The following ANKHD1 variants were observed in gnomAD, a reference collection of about 807,000 sequenced individuals.
The protein encoded by ANKHD1 is ankyrin repeat and KH domain containing 1.
ANKHD1 carries 31 observed loss-of-function variants against 230.5 expected under a neutral mutation model. The ratio of observed to expected loss-of-function variants is 0.13; its 90% confidence interval spans 0.10 to 0.18. The LOEUF is 0.18. Among genes scored for constraint, ANKHD1 ranks in the 10% least tolerant of loss-of-function variants. The pLI is 1.00. For synonymous variants in ANKHD1, 1,074 were observed against 1,117.6 expected (o/e 0.96, Z 0.78); for missense variants, 2,256 against 3,071.3 (o/e 0.73, Z 6.27).
intron 14 of ANKHD1, among the ~76,000 whole-genome samples, chr5:140,493,011 G>A (rs763682669): frequency 6.6e-6 from 1 of 152,170 alleles, no homozygotes. Context: ...GAAAGTGAGA[G>A]GCAAAGGAAT....
intron 29 of ANKHD1, among the ~76,000 whole-genome samples, chr5:140,530,462 G>A (rs1753764747): frequency 6.6e-6 from 1 of 152,176 alleles, no homozygotes; most frequent in African/African-American, 2.4e-5. Context: ...ATATCCGCCT[G>A]CCTTGGCCTT....
Position 140,497,134 on chromosome 5 carries a change from G to A in ANKHD1, c.2860G>A (p.Val954Ile). 1 of 1,614,142 alleles carries A rather than the reference G, an allele frequency of 6.2e-7. No homozygotes were observed. Among genetic ancestry groups the A allele is most frequent in the Non-Finnish European group, 8.5e-7 (1 of 1,180,030 alleles). ...NGTNSLELQK[V>I]SGNQQIVGQP... ...GACAAATTCTCTTGAACTTCAGAAA[G>A]TATCAGGTAATCAGCAGATTGTAGG... is the stretch of plus-strand genomic sequence containing the variant. The change falls in exon 15 of 34, where the codon GTA becomes ATA. Residue 954 changes from valine to isoleucine, a missense_variant. Val to Ile is a conservative substitution (Grantham distance 29). Around this residue, in one of 13 missense-constraint regions of ANKHD1, gnomAD observed 358 missense variants for 397.7 expected, o/e 0.90. Coordinates refer to ENST00000360839, the MANE Select transcript of ANKHD1 (RefSeq NM_017747.3).
intron 1 of ANKHD1, among the ~76,000 whole-genome samples, chr5:140,435,602 C>T (rs1773382908): frequency 6.6e-6 from 1 of 152,096 alleles, no homozygotes; most frequent in African/African-American, 2.4e-5. Flanking sequence ...TGGTCTCAAA[C>T]TCTTGACCCC....
Position 140,468,052 on chromosome 5 carries a change from C to CTTTTTTTTTTTTTTTTTT in ANKHD1, c.1782+3299_1782+3316dup, listed in dbSNP as rs869172143. ...AGTTTAAGGTTTAAGTGTACTAATT[C>CTTTTTTTTTTTTTTTTTT]TTTTTTTTTTTTTTTTTTTTTTTTT... On this transcript the variant is annotated intron_variant, in intron 10 of 33. Coordinates refer to ENST00000360839, the MANE Select transcript of ANKHD1 (RefSeq NM_017747.3). 7.6e-5 allele frequency among the ~76,000 whole-genome samples: 4 copies of CTTTTTTTTTTTTTTTTTT among 52,412 alleles called. 2 individuals are homozygous for CTTTTTTTTTTTTTTTTTT. Among genetic ancestry groups the CTTTTTTTTTTTTTTTTTT allele is most frequent in the African/African-American group, 1.8e-4 (2 of 11,272 alleles). 34.4% of individuals were successfully genotyped at this position (52,412 alleles called of 152,430 possible).
At position 140,458,635 on chromosome 5, in the gene ANKHD1, T is replaced by C. The variant is rs776532697; in HGVS notation, c.1253T>C (p.Val418Ala). ...ALMEACMDGH[V>A]EVARLLLDSG... ...TCTGAAAATCTGCAGGATGGACATGTAGAGGTGGCACGTTTGCTTTTGGAT... is the reference window on the plus strand; with the variant it reads ...TCTGAAAATCTGCAGGATGGACATGCAGAGGTGGCACGTTTGCTTTTGGAT... The change falls in exon 8 of 34, where the codon GTA becomes GCA. Residue 418 changes from valine (V) to alanine (A), a missense_variant. Physicochemically the swap from Val to Ala is moderately conservative, Grantham distance 64. Coordinates refer to ENST00000360839, the MANE Select transcript of ANKHD1 (RefSeq NM_017747.3). 6.3e-7 allele frequency: 1 copy of C among 1,592,924 alleles called. No homozygotes were observed. Among genetic ancestry groups the C allele is most frequent in the South Asian group, 1.1e-5 (1 of 88,464 alleles).
At chr5:140,500,926 A>T (rs1581344060) in intron 15 of ANKHD1, among the ~76,000 whole-genome samples, 1 of 152,136 alleles carries the variant, frequency 6.6e-6, no homozygotes, top group African/African-American at 2.4e-5. Flanking sequence ...TGTTACTATC[A>T]TTGCCATCTT....
intron 10 of ANKHD1, among the ~76,000 whole-genome samples, chr5:140,471,562 C>T (rs1202894994): frequency 6.6e-6 from 1 of 152,170 alleles, no homozygotes; most frequent in Non-Finnish European, 1.5e-5. Flanking sequence ...AAGCACATCA[C>T]ATAGGTAGGA....
At chr5:140,429,748 T>A (rs140749001) in intron 1 of ANKHD1, among the ~76,000 whole-genome samples, 1 of 152,208 alleles carries the variant, frequency 6.6e-6, no homozygotes, top group African/African-American at 2.4e-5. Flanking sequence ...TAGTTATTGA[T>A]CAATGTAATA....
chr5:140,409,579 G>A (rs1362194342), intron 1 of ANKHD1, among the ~76,000 whole-genome samples: 1 of 147,830 alleles, frequency 6.8e-6, no homozygotes, highest in African/African-American at 2.5e-5. Context: ...AGTCAGAGGA[G>A]CCTTGCTCTG....
At chr5:140,472,210 T>A (rs1223748841) in intron 10 of ANKHD1, 1 of 1,605,402 alleles carries the variant, frequency 6.2e-7, no homozygotes, top group Admixed American at 1.7e-5. Context: ...TGGAATAAGA[T>A]CCGTGAGTTC....
intron 24 of ANKHD1, 40 bp downstream of exon 24, chr5:140,513,519 A>T: frequency 6.3e-7 from 1 of 1,582,666 alleles, no homozygotes; most frequent in Non-Finnish European, 8.6e-7. Flanking sequence ...GAAATTATTG[A>T]GGGTGGGGGC....
intron 9 of ANKHD1, 141 bp from the exon 10 acceptor site, chr5:140,464,526 T>C (rs1775952699): frequency 1.5e-6 from 1 of 645,890 alleles, no homozygotes; most frequent in East Asian, 3.2e-5. Context: ...ATAAAGCATA[T>C]TTAAAGGAAA....
intron 1 of ANKHD1, among the ~76,000 whole-genome samples, chr5:140,430,065 CT>C (rs1053992250): frequency 6.6e-6 from 1 of 152,176 alleles, no homozygotes; most frequent in African/African-American, 2.4e-5. Context: ...CTTCTCCTCC[CT>C]TTTGTTTGTT....
chr5:140,479,504 C>T (rs1433864239), intron 10 of ANKHD1, among the ~76,000 whole-genome samples: 1 of 151,688 alleles, frequency 6.6e-6, no homozygotes, highest in Non-Finnish European at 1.5e-5. Flanking sequence ...ATAAGTAGTA[C>T]GATGTATACA....
intron 7 of ANKHD1, among the ~76,000 whole-genome samples, chr5:140,457,711 G>A (rs887127134): frequency 6.6e-6 from 1 of 152,048 alleles, no homozygotes; most frequent in Non-Finnish European, 1.5e-5. Flanking sequence ...TTGTGGGGTC[G>A]GGGGAGCGGG....
rs555069091 is a variant in ANKHD1, at chr5:140,498,613, T to C, written c.3004+1335T>C. 3.9e-5 allele frequency among the ~76,000 whole-genome samples: 6 copies of C among 152,332 alleles called. No individual in the cohort carries two copies. The East Asian group carries it at 9.6e-4, about 24-fold the overall frequency. ...ACAAATTAACTTTGTATTATTAGCATTGAAAGTTGTTATAAATTGTGAATA... is the reference window on the plus strand; with the variant it reads ...ACAAATTAACTTTGTATTATTAGCACTGAAAGTTGTTATAAATTGTGAATA... On this transcript the variant is annotated intron_variant, in intron 15 of 33. Coordinates refer to ENST00000360839, the MANE Select transcript of ANKHD1 (RefSeq NM_017747.3).
chr5:140,458,861 A>G lies in ANKHD1; in HGVS notation c.1479A>G (p.Gln493=). 1 of 1,598,424 alleles carries G rather than the reference A, an allele frequency of 6.3e-7. No homozygotes were observed. The highest frequency in any genetic ancestry group is 8.5e-7 in the Non-Finnish European group (1 of 1,170,884). Residue 493 remains glutamine (Q), a splice_region_variant and synonymous_variant, in exon 8 of 34, where the codon CAA becomes CAG. Transcript: ENST00000360839. ...HEEMVALLLA[Q]GANINAQTEE... ...AAATGGTGGCACTACTCTTAGCACAAGGTAAAGCAGTTTTACTTCTTTTAG... is the reference window on the plus strand; with the variant it reads ...AAATGGTGGCACTACTCTTAGCACAGGGTAAAGCAGTTTTACTTCTTTTAG...
intron 32 of ANKHD1, 114 bp from the exon 33 acceptor site, chr5:140,538,805 T>G: frequency 1.7e-6 from 2 of 1,210,642 alleles, no homozygotes; most frequent in Non-Finnish European, 2.1e-6. Context: ...TAGGATCTTT[T>G]GGAGTTCTTT....
chr5:140,404,693 G>A (rs943037726), intron 1 of ANKHD1, among the ~76,000 whole-genome samples: 9 of 151,384 alleles, frequency 5.9e-5, no homozygotes, highest in African/African-American at 2.2e-4. Context: ...TCAGAGTGCT[G>A]GGATTACAGG....
Sources: gnomAD v4.1 joint callset for allele counts (sites outside exome capture counted in the v4.1 genomes callset) on GRCh38, gnomAD v4.1.1 for gene constraint, gnomAD v4.1.1 regional missense constraint, MANE v1.5 for transcripts, NCBI Gene and HGNC (gene_info 2026-07-23, HGNC 2026-07-21) for gene names.